MYO16: variants seen among roughly 807,000 people sequenced by gnomAD.
MYO16 encodes the protein unconventional myosin-XVI.
In MYO16, 94 loss-of-function variants were observed where a neutral mutation model predicts 205.3. That is an observed-to-expected ratio of 0.46 (90% CI 0.39 to 0.54). The LOEUF is 0.54. MYO16 is among the 20% of genes least tolerant of loss of function. The pLI, the probability that MYO16 is intolerant of heterozygous loss-of-function variation, is 0.00. For synonymous variants in MYO16, 988 were observed against 954.0 expected, an observed-to-expected ratio of 1.04 and a Z score of -0.66; for missense variants, 2,315 against 2,387.5, an observed-to-expected ratio of 0.97 and a Z score of 0.63.
chr13:109,141,251 C>T lies in MYO16; in HGVS notation c.5039C>T (p.Ala1680Val). The T allele has an allele frequency of 6.2e-7, 1 of 1,605,902 alleles. No homozygotes were observed. Among genetic ancestry groups the T allele is most frequent in the Non-Finnish European group, 8.5e-7 (1 of 1,176,264 alleles). The change falls in exon 32 of 35, where the codon GCG becomes GTG. Residue 1680 changes from alanine to valine, a missense_variant. Physicochemically the swap from Ala to Val is moderately conservative, Grantham distance 64. Coordinates refer to ENST00000457511, the MANE Select transcript of MYO16 (RefSeq NM_001198950.3). The surrounding 1 kb of genome is among the most constrained non-coding windows in gnomAD (Gnocchi z 4.1). The stretch of plus-strand genomic sequence containing the variant: ...GCCGGCTCCAGTGCCTCGCCCCCCG[C>T]GCCCTACAGCCCTCCCAGCTCCAGG... ...RKAGSSASPP[A>V]PYSPPSSRPL...
intron 4 of MYO16, among the ~76,000 whole-genome samples, chr13:108,780,938 C>T (rs1156901576): frequency 6.6e-6 from 1 of 152,152 alleles, no homozygotes; most frequent in African/African-American, 2.4e-5. Context: ...GTAAATGACC[C>T]CAGCTAAATT....
the MYO16 span, among the ~76,000 whole-genome samples, chr13:108,547,097 C>T: frequency 6.6e-6 from 1 of 151,800 alleles, no homozygotes; most frequent in Non-Finnish European, 1.5e-5. Context: ...ACAGTGAAAC[C>T]CCATCTCTAC....
At chr13:109,190,412 T>C (rs538365530) in intron 34 of MYO16, among the ~76,000 whole-genome samples, 42 of 152,262 alleles carry the variant, frequency 2.8e-4, no homozygotes, top group African/African-American at 1.0e-3. Context: ...AATATAATCA[T>C]TTGTGTGTGT....
chr13:109,013,301 C>A (rs1885680827), intron 22 of MYO16, among the ~76,000 whole-genome samples: 1 of 151,932 alleles, frequency 6.6e-6, no homozygotes, highest in African/African-American at 2.4e-5. Flanking sequence ...TGAACTCATC[C>A]TTTTTTATGG....
chr13:108,760,798 AATCG>A (rs1182904226), intron 4 of MYO16, among the ~76,000 whole-genome samples: 1 of 152,092 alleles, frequency 6.6e-6, no homozygotes, highest in Non-Finnish European at 1.5e-5. Context: ...CCTGTTAATC[AATCG>A]CTTTTTATCT....
At chr13:109,134,830 C>G (rs944988378) in intron 31 of MYO16, among the ~76,000 whole-genome samples, 4 of 152,186 alleles carry the variant, frequency 2.6e-5, no homozygotes, top group African/African-American at 7.2e-5. Flanking sequence ...GATTCTACCT[C>G]TGGAAAGGAT....
At chr13:108,503,435 G>A in the MYO16 span, among the ~76,000 whole-genome samples, 1 of 145,316 alleles carries the variant, frequency 6.9e-6, no homozygotes, top group Non-Finnish European at 1.5e-5. Context: ...AGGAGAAGAA[G>A]CTCAAAAAAG....
intron 1 of MYO16, among the ~76,000 whole-genome samples, chr13:108,612,129 T>C (rs530821951): frequency 1.1e-4 from 17 of 152,148 alleles, no homozygotes; most frequent in Non-Finnish European, 2.4e-4. Flanking sequence ...GGCTTTACTT[T>C]ATGGATAAGA....
At chr13:108,835,898 A>G (rs1876889451) in intron 9 of MYO16, among the ~76,000 whole-genome samples, 1 of 152,212 alleles carries the variant, frequency 6.6e-6, no homozygotes, top group Admixed American at 6.5e-5. Flanking sequence ...AAAGTTTGGA[A>G]AATTTGCAGC....
At chr13:108,826,292 G>T (rs929983214) in intron 9 of MYO16, among the ~76,000 whole-genome samples, 3 of 152,026 alleles carry the variant, frequency 2.0e-5, no homozygotes, top group African/African-American at 7.2e-5. Flanking sequence ...ACTGATTTTT[G>T]CAAAGAATGC....
At chr13:109,075,756 T>C (rs1258946210) in intron 27 of MYO16, among the ~76,000 whole-genome samples, 1 of 152,206 alleles carries the variant, frequency 6.6e-6, no homozygotes, top group East Asian at 1.9e-4. Context: ...ATAAATAGTA[T>C]CATGTTGATT....
At chr13:109,101,447 C>G (rs992816021) in intron 28 of MYO16, 2 of 152,400 alleles carry the variant, frequency 1.3e-5, no homozygotes, top group Non-Finnish European at 2.9e-5. Context: ...AGTCTGTGAT[C>G]CATTTGAATG....
chr13:108,819,273 T>G (rs1251351551), intron 7 of MYO16, among the ~76,000 whole-genome samples: 1 of 152,180 alleles, frequency 6.6e-6, no homozygotes, highest in African/African-American at 2.4e-5. Context: ...TACTATTCCA[T>G]GCAGCCAAAA....
chr13:108,766,194 CT>C (rs1419401457), intron 4 of MYO16, among the ~76,000 whole-genome samples: 3 of 151,568 alleles, frequency 2.0e-5, no homozygotes, highest in African/African-American at 7.3e-5. Context: ...TGGGAAGTCT[CT>C]GTTGGAGACC....
intron 16 of MYO16, among the ~76,000 whole-genome samples, chr13:108,938,202 T>C (rs1045506451): frequency 1.3e-5 from 2 of 152,202 alleles, no homozygotes; most frequent in African/African-American, 4.8e-5. Flanking sequence ...ATGTACTTTT[T>C]TTTGGCAGGT....
chr13:108,854,563 C>A (rs1878069051), intron 10 of MYO16, among the ~76,000 whole-genome samples: 1 of 151,830 alleles, frequency 6.6e-6, no homozygotes, highest in Non-Finnish European at 1.5e-5. Flanking sequence ...ATATAGACTA[C>A]AAACATGAAT....
chr13:108,812,819 T>C (rs1231827417), intron 7 of MYO16, among the ~76,000 whole-genome samples: 3 of 152,058 alleles, frequency 2.0e-5, no homozygotes, highest in Non-Finnish European at 2.9e-5. Context: ...AGTGTTTCTC[T>C]CTCCTGCTTT....
At chr13:108,968,008 A>T (rs1200730945) in intron 20 of MYO16, among the ~76,000 whole-genome samples, 1 of 152,218 alleles carries the variant, frequency 6.6e-6, no homozygotes, top group Non-Finnish European at 1.5e-5. Flanking sequence ...AATAAAGGAT[A>T]TTGCATATCA....
At chr13:108,920,414 CTT>C (rs1021422286) in intron 16 of MYO16, among the ~76,000 whole-genome samples, 11 of 150,580 alleles carry the variant, frequency 7.3e-5, no homozygotes, top group African/African-American at 2.4e-4. Context: ...TTCTCTCTCT[CTT>C]TCTTTCTTTC....
Sources: allele counts gnomAD v4.1 joint callset (sites outside exome capture counted in the v4.1 genomes callset), GRCh38; gene constraint gnomAD v4.1.1; non-coding constraint Gnocchi (gnomAD v3.1); transcripts MANE v1.5; gene names NCBI Gene and HGNC (gene_info 2026-07-23, HGNC 2026-07-21).